DDR2: variants seen among roughly 807,000 people sequenced by gnomAD.
DDR2 encodes discoidin domain receptor tyrosine kinase 2.
Under a neutral mutation model 94.9 loss-of-function variants are expected in DDR2, and 27 were observed. That is an observed-to-expected ratio of 0.28 (90% confidence interval 0.21 to 0.39). The LOEUF (loss-of-function observed/expected upper bound fraction) is 0.39, where lower values mean the gene tolerates loss of function less well. DDR2 is among the 10% of genes least tolerant of loss of function. The probability of loss-of-function intolerance (pLI) is 1.00; values close to 1 mark genes in which losing one functional copy is unlikely to be tolerated. For synonymous variants in DDR2, 382 were observed against 377.2 expected (o/e 1.01, Z -0.15); for missense variants, 783 against 1,076.0 (o/e 0.73, Z 3.81).
intron 2 of DDR2, among the ~76,000 whole-genome samples, chr1:162,656,847 T>TTA (rs1558008823): frequency 1.1e-4 from 14 of 123,712 alleles, no homozygotes; most frequent in African/African-American, 4.0e-4. Context: ...TTTTTTTTTT[T>TTA]TTATTTTTTT....
rs1558087385 is a variant in DDR2 at position 162,784,846 on chromosome 1, AT to A, written c.*4602del. The A allele has an allele frequency of 1.3e-5, 2 of 152,206 alleles. No individual in the cohort carries two copies. The highest frequency in any genetic ancestry group is 2.9e-5 in the Non-Finnish European group (2 of 68,028). 9.4% of individuals were successfully genotyped at this position (152,206 alleles called of 1,614,324 possible). On this transcript the variant is annotated 3_prime_UTR_variant, in exon 18 of 18. Transcript: ENST00000367921. ...CCATTTTCGGAACCAGAAAATTAACATTGGCATAATGCTATTAACTAAACTA... is the reference window on the plus strand; with the variant it reads ...CCATTTTCGGAACCAGAAAATTAACATGGCATAATGCTATTAACTAAACTA...
At chr1:162,683,007 T>A (rs1247922678) in intron 2 of DDR2, among the ~76,000 whole-genome samples, 1 of 152,198 alleles carries the variant, frequency 6.6e-6, no homozygotes, top group Non-Finnish European at 1.5e-5. Flanking sequence ...ATTAGCAAAT[T>A]GAATACAACC....
intron 2 of DDR2, among the ~76,000 whole-genome samples, chr1:162,701,971 A>G (rs955358694): frequency 2.0e-5 from 3 of 152,104 alleles, no homozygotes; most frequent in African/African-American, 7.2e-5. Flanking sequence ...GTAGGGAGTC[A>G]CTCATCACCA....
chr1:162,737,317 C>T (rs1167050512), intron 3 of DDR2, among the ~76,000 whole-genome samples: 1 of 112,818 alleles, frequency 8.9e-6, no homozygotes, highest in East Asian at 2.9e-4. Flanking sequence ...CCTCCCCCGA[C>T]CCCACCACAG....
intron 16 of DDR2, among the ~76,000 whole-genome samples, chr1:162,777,257 G>C (rs984462566): frequency 2.0e-5 from 3 of 151,092 alleles, no homozygotes; most frequent in Admixed American, 6.6e-5. Flanking sequence ...TTTTTTTTCT[G>C]TGCATGCATT....
At chr1:162,757,547 G>A (rs993061967) in intron 7 of DDR2, among the ~76,000 whole-genome samples, 1 of 152,194 alleles carries the variant, frequency 6.6e-6, no homozygotes, top group Non-Finnish European at 1.5e-5. Flanking sequence ...GGAACCTGAA[G>A]TCAAAGCCAA....
chr1:162,765,642 G>C (rs1392563776), intron 9 of DDR2, among the ~76,000 whole-genome samples: 1 of 151,696 alleles, frequency 6.6e-6, no homozygotes, highest in African/African-American at 2.4e-5. Context: ...CACTATGTCT[G>C]TCCCTTGCCC....
intron 2 of DDR2, among the ~76,000 whole-genome samples, chr1:162,670,944 C>T (rs1413213678): frequency 6.6e-6 from 1 of 152,198 alleles, no homozygotes; most frequent in Non-Finnish European, 1.5e-5. Context: ...CCCTGGTAAA[C>T]ATTTTATGCT....
chr1:162,635,292 C>T (rs1656757886), intron 1 of DDR2, among the ~76,000 whole-genome samples: 1 of 135,584 alleles, frequency 7.4e-6, no homozygotes, highest in African/African-American at 2.5e-5. Context: ...TTAATAGACA[C>T]ATGAAAAAAT....
chr1:162,770,577 C>A (rs1318898811), intron 12 of DDR2, 65 bp downstream of exon 12: 7 of 1,442,120 alleles, frequency 4.9e-6, no homozygotes, highest in Non-Finnish European at 6.8e-6. Flanking sequence ...GTAGGTATGA[C>A]ACGCCTGCTC....
In DDR2 at chr1:162,782,907, TG is replaced by T. The variant is rs1647983491; in HGVS notation, c.*2662del. 6 of 152,206 alleles carry T rather than the reference TG, an allele frequency of 3.9e-5. No homozygotes were observed. The highest frequency in any genetic ancestry group is 7.3e-5 in the Non-Finnish European group (5 of 68,038). 9.4% of individuals were successfully genotyped at this position (152,206 alleles called of 1,614,324 possible). A position where few individuals can be genotyped will look rare whatever the true frequency, so the allele number is the denominator to read the frequency against. Reference sequence around the variant, plus strand: ...TGAGGAAGGCTTCAACTTCTGGCACTGAGAACTTTGTATTACAGACACAGGT... The same window carrying T: ...TGAGGAAGGCTTCAACTTCTGGCACTAGAACTTTGTATTACAGACACAGGT... On this transcript the variant is annotated 3_prime_UTR_variant, in exon 18 of 18. Coordinates refer to ENST00000367921, the MANE Select transcript of DDR2 (RefSeq NM_006182.4).
At chr1:162,683,180 G>A (rs1262256670) in intron 2 of DDR2, among the ~76,000 whole-genome samples, 1 of 151,980 alleles carries the variant, frequency 6.6e-6, no homozygotes, top group Non-Finnish European at 1.5e-5. Context: ...GGCAAGTTAG[G>A]AATAGAATAA....
intron 3 of DDR2, among the ~76,000 whole-genome samples, chr1:162,749,639 C>A (rs939608703): frequency 3.9e-5 from 6 of 152,170 alleles, no homozygotes; most frequent in African/African-American, 1.4e-4. Flanking sequence ...ACAGGGAATC[C>A]TCCCTAACTC....
intron 3 of DDR2, chr1:162,741,604 A>G (rs912951088): frequency 1.9e-4 from 188 of 985,252 alleles, no homozygotes; most frequent in Non-Finnish European, 2.2e-4. Flanking sequence ...CAGGGACACT[A>G]TGACATGGAC....
At chr1:162,697,065 A>G (rs1660227584) in intron 2 of DDR2, among the ~76,000 whole-genome samples, 1 of 152,148 alleles carries the variant, frequency 6.6e-6, no homozygotes, top group East Asian at 1.9e-4. Context: ...TGGTGGGGGT[A>G]CATGCACCTT....
intron 2 of DDR2, among the ~76,000 whole-genome samples, chr1:162,691,970 G>A (rs1283185327): frequency 6.6e-6 from 1 of 152,234 alleles, no homozygotes; most frequent in African/African-American, 2.4e-5. Flanking sequence ...GGCAAGGCCT[G>A]TAGGTGGGTG....
At chr1:162,757,903 A>G (rs1571299484) in intron 7 of DDR2, among the ~76,000 whole-genome samples, 1 of 152,224 alleles carries the variant, frequency 6.6e-6, no homozygotes, top group Non-Finnish European at 1.5e-5. Context: ...AAAGGGTCAG[A>G]TGAAGTTTGA....
chr1:162,656,861 T>TTTTTTTTTTTTTTC (rs1658007593), intron 2 of DDR2, among the ~76,000 whole-genome samples: 2 of 141,680 alleles, frequency 1.4e-5, no homozygotes, highest in Non-Finnish European at 3.1e-5. Context: ...TTTTTTTTGT[T>TTTTTTTTTTTTTTC]AACAGGGTTT....
intron 4 of DDR2, among the ~76,000 whole-genome samples, chr1:162,754,215 C>G (rs1177399946): frequency 6.6e-6 from 1 of 152,174 alleles, no homozygotes; most frequent in Non-Finnish European, 1.5e-5. Flanking sequence ...GGAGACCCTA[C>G]TATCCCTCCT....
Sources: allele counts gnomAD v4.1 joint callset (sites outside exome capture counted in the v4.1 genomes callset), GRCh38; gene constraint gnomAD v4.1.1; transcripts MANE v1.5; gene names NCBI Gene and HGNC (gene_info 2026-07-23, HGNC 2026-07-21).